The following GABRG2 variants were observed in gnomAD, a reference collection of about 807,000 sequenced individuals.
GABRG2 encodes the protein gamma-aminobutyric acid receptor subunit gamma-2.
Under a neutral mutation model 56.4 loss-of-function variants are expected in GABRG2, and 16 were observed. That is an observed-to-expected ratio of 0.28 (90% CI 0.19 to 0.43). GABRG2 has a LOEUF of 0.43. Ranked by LOEUF, GABRG2 falls within the 20% of genes least tolerant of loss-of-function variation. The pLI is 1.00. For synonymous variants in GABRG2, 208 were observed against 205.5 expected, an observed-to-expected ratio of 1.01 and a Z score of -0.10; for missense variants, 327 against 582.7, an observed-to-expected ratio of 0.56 and a Z score of 4.52.
chr5:162,073,699 A>C (rs1360210078), intron 1 of GABRG2, among the ~76,000 whole-genome samples: 1 of 152,026 alleles, frequency 6.6e-6, no homozygotes, highest in Admixed American at 6.6e-5. Context: ...TAACAACAGA[A>C]AAGCTCTTAT....
Position 162,093,823 on chromosome 5 carries a change from C to T in GABRG2, c.108-5C>T. 1 of 1,612,508 alleles carries T rather than the reference C, an allele frequency of 6.2e-7. No homozygotes were observed. Among genetic ancestry groups the T allele is most frequent in the East Asian group, 2.2e-5 (1 of 44,744 alleles). On this transcript the variant is annotated splice_region_variant and splice_polypyrimidine_tract_variant and intron_variant, in intron 1 of 9. Coordinates refer to ENST00000639213, the MANE Select transcript of GABRG2 (RefSeq NM_198904.4). ...GTGTTTTTTGACCAATATGTTTTTT[C>T]TTAGCTTCACTAGCCAGAAATCTGA...
chr5:162,106,037 G>A (rs1420225792), intron 6 of GABRG2, among the ~76,000 whole-genome samples: 1 of 151,964 alleles, frequency 6.6e-6, no homozygotes, highest in Non-Finnish European at 1.5e-5. Context: ...GAGACAGAAG[G>A]GTTGATTTTA....
At chr5:162,098,939 G>A (rs536582820) in intron 4 of GABRG2, 7 of 152,086 alleles carry the variant, frequency 4.6e-5, no homozygotes, top group South Asian at 4.2e-4. Flanking sequence ...CTGACCTTAC[G>A]GAGTTGCTAT....
rs1264403667 is a variant in GABRG2 at position 162,093,870 on chromosome 5, T to A, written c.150T>A (p.Ala50=). ...CTGATGATGACTATGAAGATTATGC[T>A]TCTAACAAAACATGGGTCTTGACTC... ...QKSDDDYEDY[A]SNKTWVLTPK... Residue 50 remains alanine (A), a synonymous_variant, in exon 2 of 10, where the codon GCT becomes GCA. Coordinates refer to ENST00000639213, the MANE Select transcript of GABRG2 (RefSeq NM_198904.4). 1 of 1,613,264 alleles carries A rather than the reference T, an allele frequency of 6.2e-7. No individual in the cohort carries two copies. The highest frequency in any genetic ancestry group is 1.7e-5 in the Admixed American group (1 of 59,920).
chr5:162,124,747 G>A (rs1419922299), intron 6 of GABRG2, among the ~76,000 whole-genome samples: 3 of 151,610 alleles, frequency 2.0e-5, no homozygotes, highest in Admixed American at 6.6e-5. Flanking sequence ...TTCTTAATGC[G>A]CCGCATGACA....
At chr5:162,110,677 A>T (rs899579284) in intron 6 of GABRG2, among the ~76,000 whole-genome samples, 1 of 152,106 alleles carries the variant, frequency 6.6e-6, no homozygotes, top group African/African-American at 2.4e-5. Context: ...ATGAAAATAA[A>T]ACCTAAATGA....
At chr5:162,084,151 A>G (rs555260004) in intron 1 of GABRG2, among the ~76,000 whole-genome samples, 1 of 151,796 alleles carries the variant, frequency 6.6e-6, no homozygotes, top group Admixed American at 6.6e-5. Context: ...ATAAACTGAG[A>G]CTTTGCCCTC....
At chr5:162,113,167 C>T (rs1434239364) in intron 6 of GABRG2, among the ~76,000 whole-genome samples, 2 of 151,848 alleles carry the variant, frequency 1.3e-5, no homozygotes, top group South Asian at 2.1e-4. Flanking sequence ...CTCAAGCTCC[C>T]GACCTCAGGT....
intron 1 of GABRG2, among the ~76,000 whole-genome samples, chr5:162,074,425 T>C (rs1017099141): frequency 1.3e-5 from 2 of 152,032 alleles, no homozygotes; most frequent in African/African-American, 4.8e-5. Context: ...TTTGTTATAA[T>C]TGAAACCCTG....
chr5:162,149,004 A>G, intron 7 of GABRG2, 104 bp from the exon 8 acceptor site: 1 of 997,416 alleles, frequency 1.0e-6, no homozygotes, highest in South Asian at 1.3e-5. Context: ...CCCATTGCTG[A>G]AACTGCCCAT....
At chr5:162,072,715 A>G (rs770857007) in intron 1 of GABRG2, among the ~76,000 whole-genome samples, 15 of 151,998 alleles carry the variant, frequency 9.9e-5, no homozygotes, top group African/African-American at 1.7e-4. Flanking sequence ...ACACACATAC[A>G]CAGACACAAT....
intron 6 of GABRG2, among the ~76,000 whole-genome samples, chr5:162,119,017 G>A (rs1159736284): frequency 2.0e-5 from 3 of 152,052 alleles, no homozygotes; most frequent in Admixed American, 6.6e-5. Context: ...GTCCCCAGGG[G>A]CATTTGAGAA....
chr5:162,134,654 A>C (rs1477256698), intron 6 of GABRG2, among the ~76,000 whole-genome samples: 1 of 152,148 alleles, frequency 6.6e-6, no homozygotes, highest in Non-Finnish European at 1.5e-5. Context: ...GACACTGTTG[A>C]TGCCCCTGCC....
intron 4 of GABRG2, chr5:162,098,655 G>C (rs957631016): frequency 2.0e-5 from 3 of 152,124 alleles, no homozygotes; most frequent in African/African-American, 7.2e-5. Context: ...CTAGGGCAAC[G>C]CTCCAGCATT....
intron 1 of GABRG2, among the ~76,000 whole-genome samples, chr5:162,079,041 A>T (rs1759433331): frequency 6.6e-6 from 1 of 151,200 alleles, no homozygotes; most frequent in Non-Finnish European, 1.5e-5. Flanking sequence ...TTAAAAATGA[A>T]ATAAAATGAA....
intron 1 of GABRG2, among the ~76,000 whole-genome samples, chr5:162,091,863 C>G (rs766446693): frequency 2.0e-5 from 3 of 152,106 alleles, no homozygotes; most frequent in Non-Finnish European, 4.4e-5. Flanking sequence ...AGTACATATT[C>G]CCTTTTCTTG....
intron 6 of GABRG2, among the ~76,000 whole-genome samples, chr5:162,117,308 G>A (rs1581393443): frequency 6.6e-6 from 1 of 152,166 alleles, no homozygotes; most frequent in East Asian, 1.9e-4. Context: ...ATTATTCGGT[G>A]TTAACTTCTA....
chr5:162,150,806 A>G (rs1765315983), intron 8 of GABRG2: 1 of 152,238 alleles, frequency 6.6e-6, no homozygotes, highest in African/African-American at 2.4e-5. Context: ...AAGAAACATC[A>G]TTATTCTTGA....
At chr5:162,114,203 A>G (rs1171796044) in intron 6 of GABRG2, among the ~76,000 whole-genome samples, 1 of 152,174 alleles carries the variant, frequency 6.6e-6, no homozygotes, top group Non-Finnish European at 1.5e-5. Context: ...CTGTCTCAAC[A>G]TGTGGGTAAT....
Sources: gnomAD v4.1 joint callset for allele counts (sites outside exome capture counted in the v4.1 genomes callset) on GRCh38, gnomAD v4.1.1 for gene constraint, MANE v1.5 for transcripts, NCBI Gene and HGNC (gene_info 2026-07-23, HGNC 2026-07-21) for gene names.